ZBTB26: variants seen among roughly 807,000 people sequenced by gnomAD.
ZBTB26 encodes zinc finger and BTB domain-containing protein 26.
ZBTB26 carries 12 observed loss-of-function variants against 31.6 expected under a neutral mutation model. The ratio of observed to expected loss-of-function variants is 0.38; its 90% confidence interval spans 0.24 to 0.61. ZBTB26 has a LOEUF of 0.61. Among genes scored for constraint, ZBTB26 ranks in the 20% least tolerant of loss-of-function variants. The pLI is 0.60. For missense variants in ZBTB26, 311 were observed against 521.9 expected (o/e 0.60, Z 3.94); for synonymous variants, 155 against 182.9 (o/e 0.85, Z 1.23).
In ZBTB26 at chr9:122,919,539, T is replaced by C; in HGVS notation, c.396A>G (p.Pro132=). 1.2e-6 allele frequency: 2 copies of C among 1,614,184 alleles called. No individual in the cohort carries two copies. The highest frequency in any genetic ancestry group is 1.7e-5 in the Admixed American group (1 of 60,014). The part of the protein sequence containing the change: ...ALWKFIKPKQ[P]MDSKEGCEPQ... ...GTTCACATCCCTCTTTACTATCCAT[T>C]GGTTGTTTTGGCTTTATAAACTTCC... is the stretch of plus-strand genomic sequence containing the variant. Residue 132 remains proline (P), a synonymous_variant, in exon 2 of 2, where the codon CCA becomes CCG. Coordinates refer to ENST00000373656, the MANE Select transcript of ZBTB26 (RefSeq NM_020924.4). The surrounding 1 kb of genome is among the most constrained non-coding windows in gnomAD (Gnocchi z 6.1).
chr9:122,918,705 C>T lies in ZBTB26; in HGVS notation c.1230G>A (p.Gly410=). Residue 410 remains glycine (G), a synonymous_variant, in exon 2 of 2, where the codon GGG becomes GGA. Coordinates refer to ENST00000373656, the MANE Select transcript of ZBTB26 (RefSeq NM_020924.4). Reference sequence around the variant, plus strand: ...GTGTTGCATCGGGTTGTGGCTGACACCCTTTAGAGTCTGTGACTGTTGTAC... The same window carrying T: ...GTGTTGCATCGGGTTGTGGCTGACATCCTTTAGAGTCTGTGACTGTTGTAC... ...FACTTVTDSK[G]CQPQPDATQV... is the part of the protein sequence containing the mutation. 6.2e-7 allele frequency: 1 copy of T among 1,614,164 alleles called. No homozygotes were observed. Among genetic ancestry groups the T allele is most frequent in the South Asian group, 1.1e-5 (1 of 91,084 alleles).
At chr9:122,929,920 T>C (rs1833242094) in intron 1 of ZBTB26, among the ~76,000 whole-genome samples, 1 of 152,206 alleles carries the variant, frequency 6.6e-6, no homozygotes, top group African/African-American at 2.4e-5. Context: ...GTCTTCTTGC[T>C]TGCTGTAACC....
intron 1 of ZBTB26, among the ~76,000 whole-genome samples, chr9:122,926,065 T>C (rs1588131771): frequency 6.6e-6 from 1 of 151,932 alleles, no homozygotes; most frequent in South Asian, 2.1e-4. Context: ...GGCCTAATTT[T>C]TGGATTTTTA....
chr9:122,930,594 G>A (rs1833258226), intron 1 of ZBTB26, among the ~76,000 whole-genome samples: 1 of 152,052 alleles, frequency 6.6e-6, no homozygotes, highest in Non-Finnish European at 1.5e-5. Context: ...ATTCTGTTCC[G>A]AACTCTTCAA....
rs549079641 is a variant in ZBTB26 at position 122,916,876 on chromosome 9, T to C, written c.*1733A>G. On this transcript the variant is annotated 3_prime_UTR_variant, in exon 2 of 2. Coordinates refer to ENST00000373656, the MANE Select transcript of ZBTB26 (RefSeq NM_020924.4). Reference sequence around the variant, plus strand: ...AACAATTGAAGATCCCCTCTGACTATGCAAGCCTAATTTTTCAAATCTGCA... The same window carrying C: ...AACAATTGAAGATCCCCTCTGACTACGCAAGCCTAATTTTTCAAATCTGCA... 3.3e-4 allele frequency: 51 copies of C among 152,350 alleles called. No individual in the cohort carries two copies. The highest frequency in any genetic ancestry group is 1.2e-3 in the African/African-American group (50 of 41,594). 9.4% of individuals were successfully genotyped at this position (152,350 alleles called of 1,614,324 possible).
chr9:122,930,021 C>G (rs75145210), intron 1 of ZBTB26, among the ~76,000 whole-genome samples: 1,589 of 152,240 alleles, frequency 0.01, 5 homozygotes, highest in Non-Finnish European at 0.015. Context: ...CCCTCCCCCC[C>G]CAAATTTCCT....
At chr9:122,927,834 AT>A (rs1833206177) in intron 1 of ZBTB26, among the ~76,000 whole-genome samples, 1 of 151,772 alleles carries the variant, frequency 6.6e-6, no homozygotes, top group South Asian at 2.1e-4. Flanking sequence ...ATTTATTTAT[AT>A]ATTTATTTAT....
At chr9:122,928,538 C>A (rs1226100984) in intron 1 of ZBTB26, among the ~76,000 whole-genome samples, 1 of 152,118 alleles carries the variant, frequency 6.6e-6, no homozygotes, top group African/African-American at 2.4e-5. Flanking sequence ...CTGTTTTCCA[C>A]CATTGTTTTG....
rs1833070329 is a variant in ZBTB26, at chr9:122,919,853, C to T, written c.82G>A (p.Glu28Lys). 1.2e-6 allele frequency: 2 copies of T among 1,613,054 alleles called. No homozygotes were observed. The highest frequency in any genetic ancestry group is 1.7e-6 in the Non-Finnish European group (2 of 1,179,546). Reference sequence around the variant, plus strand: ...GTAACATCACAAAATTTATTCTCTTCTCTTAATTTGTTCATTTTTTGTAAC... The same window carrying T: ...GTAACATCACAAAATTTATTCTCTTTTCTTAATTTGTTCATTTTTTGTAAC... ...SMLQKMNKLR[E>K]ENKFCDVTVL... The change falls in exon 2 of 2, where the codon GAA (glutamate) becomes AAA (lysine). Residue 28 changes from glutamate (E) to lysine (K), a missense_variant. Around this residue, in one of 5 missense-constraint regions of ZBTB26, gnomAD observed 25 missense variants for 32.3 expected, o/e 0.77. Coordinates refer to ENST00000373656, the MANE Select transcript of ZBTB26 (RefSeq NM_020924.4). The surrounding 1 kb of genome is among the most constrained non-coding windows in gnomAD (Gnocchi z 6.1).
chr9:122,924,714 C>T (rs1833152305), intron 1 of ZBTB26, among the ~76,000 whole-genome samples: 1 of 151,668 alleles, frequency 6.6e-6, no homozygotes, highest in Admixed American at 6.6e-5. Context: ...GCTGCCTTGG[C>T]ACCAAGGCTC....
At chr9:122,922,108 C>T (rs1026652196) in intron 1 of ZBTB26, among the ~76,000 whole-genome samples, 1 of 151,688 alleles carries the variant, frequency 6.6e-6, no homozygotes, top group Admixed American at 6.6e-5. Context: ...TGTGGTGGCA[C>T]GTGCCTGTAG....
chr9:122,927,556 G>C (rs1833201628), intron 1 of ZBTB26, among the ~76,000 whole-genome samples: 1 of 152,034 alleles, frequency 6.6e-6, no homozygotes, highest in Non-Finnish European at 1.5e-5. Context: ...TCATTGACAT[G>C]GTATGTTCTT....
chr9:122,925,765 A>ATTTTTT (rs59850053), intron 1 of ZBTB26, among the ~76,000 whole-genome samples: 1 of 103,946 alleles, frequency 9.6e-6, no homozygotes, highest in African/African-American at 4.0e-5. Flanking sequence ...TGCCCAGCTA[A>ATTTTTT]TTTTTTTTTT....
At position 122,916,406 on chromosome 9, in the gene ZBTB26, GT is replaced by G. The variant is rs1403384143; in HGVS notation, c.*2202del. On this transcript the variant is annotated 3_prime_UTR_variant, in exon 2 of 2. Coordinates refer to ENST00000373656, the MANE Select transcript of ZBTB26 (RefSeq NM_020924.4). The stretch of plus-strand genomic sequence containing the variant: ...TAGCAACAGTAGGTGCTTAACTAAT[GT>G]TTCTTGAACAACTGAATGAACCCAG... 1 of 152,146 alleles carries G rather than the reference GT, an allele frequency of 6.6e-6. No homozygotes were observed. The highest frequency in any genetic ancestry group is 1.5e-5 in the Non-Finnish European group (1 of 68,020). 9.4% of individuals were successfully genotyped at this position (152,146 alleles called of 1,614,324 possible).
chr9:122,929,884 C>G (rs1290984042), intron 1 of ZBTB26, among the ~76,000 whole-genome samples: 1 of 152,140 alleles, frequency 6.6e-6, no homozygotes, highest in East Asian at 1.9e-4. Flanking sequence ...GGTCTCTCCT[C>G]GAAATTCCCT....
In ZBTB26 at chr9:122,919,207, G is replaced by A. The variant is rs1304743465; in HGVS notation, c.728C>T (p.Ser243Phe). ...EQNHLHNYAL[S>F]YTGSDNIIMA... ...GATGATGTTATCACTGCCTGTATAA[G>A]AAAGGGCATAATTGTGGAGATGGTT... Residue 243 changes from serine (S) to phenylalanine (F), a missense_variant, in exon 2 of 2, where the codon TCT (serine) becomes TTT (phenylalanine). Ser to Phe is a radical substitution (Grantham distance 155). Transcript: ENST00000373656. This position sits in a 1 kb window ranked among gnomAD's most constrained non-coding sequence, Gnocchi z 6.1. 1 of 1,614,226 alleles carries A rather than the reference G, an allele frequency of 6.2e-7. No individual in the cohort carries two copies. The highest frequency in any genetic ancestry group is 2.2e-5 in the East Asian group (1 of 44,890).
At position 122,918,617 on chromosome 9, in the gene ZBTB26, C is replaced by T. The variant is rs1833050523; in HGVS notation, c.1318G>A (p.Val440Met). Reference sequence around the variant, plus strand: ...GAGCATGAAGCCCCTACTCAATTCACACAAGTACTATCATTTCTTAAGTTC... The same window carrying T: ...GAGCATGAAGCCCCTACTCAATTCATACAAGTACTATCATTTCTTAAGTTC... ...VLNLRNDSTCVN is the reference protein window; with the variant it reads ...VLNLRNDSTCMN Residue 440 changes from valine (V) to methionine (M), a missense_variant, in exon 2 of 2, where the codon GTG (valine) becomes ATG (methionine). Transcript: ENST00000373656. 2.5e-6 allele frequency: 4 copies of T among 1,611,806 alleles called. No individual in the cohort carries two copies. Among genetic ancestry groups the T allele is most frequent in the Non-Finnish European group, 2.5e-6 (3 of 1,178,982 alleles).
intron 1 of ZBTB26, among the ~76,000 whole-genome samples, chr9:122,930,455 A>G (rs1044599944): frequency 6.6e-6 from 1 of 152,214 alleles, no homozygotes; most frequent in Non-Finnish European, 1.5e-5. Flanking sequence ...TTACCCCTTC[A>G]AAAGAATCTC....
Position 122,918,223 on chromosome 9 carries a change from T to G in ZBTB26, c.*386A>C, listed in dbSNP as rs1301784248. On this transcript the variant is annotated 3_prime_UTR_variant, in exon 2 of 2. Transcript: ENST00000373656. ...AGCCTATTTTCTACCAAAGAAAGAT[T>G]ATTCACTTCTCTTAGCATAGCATCT... 5.9e-6 allele frequency: 1 copy of G among 169,326 alleles called. No homozygotes were observed. Among genetic ancestry groups the G allele is most frequent in the Non-Finnish European group, 1.3e-5 (1 of 79,084 alleles). The allele number at this position is 169,326 out of a possible 1,614,324, so 10.5% of individuals were successfully genotyped here. A position where few individuals can be genotyped will look rare whatever the true frequency, so the allele number is the denominator to read the frequency against.
Sources: allele counts gnomAD v4.1 joint callset (sites outside exome capture counted in the v4.1 genomes callset), GRCh38; gene constraint gnomAD v4.1.1; regional missense constraint gnomAD v4.1.1; non-coding constraint Gnocchi (gnomAD v3.1); transcripts MANE v1.5; gene names NCBI Gene and HGNC (gene_info 2026-07-23, HGNC 2026-07-21).